The following IGLL5 variants were observed in gnomAD, a reference collection of about 807,000 sequenced individuals.
The protein encoded by IGLL5 is immunoglobulin lambda-like polypeptide 5.
A neutral mutation model predicts 20.9 loss-of-function variants in IGLL5; 30 were observed. The ratio of observed to expected loss-of-function variants is 1.44; its 90% CI spans 1.07 to 1.95. The LOEUF (loss-of-function observed/expected upper bound fraction) is 1.95, where lower values mean the gene tolerates loss of function less well. Ranked by LOEUF, IGLL5 falls within the 30% of genes most tolerant of loss-of-function variation. The pLI, the probability that IGLL5 is intolerant of heterozygous loss-of-function variation, is 0.00. For synonymous variants in IGLL5, 203 were observed against 117.3 expected (o/e 1.73, Z -4.72); for missense variants, 475 against 270.7 (o/e 1.75, Z -5.30).
At position 22,895,829 on chromosome 22, in the gene IGLL5, C is replaced by G; in HGVS notation, c.*135C>G. ...CCCAATAAATATCCTCATTGACAACCAGAAATCTTGTTTTATCTCATTTTT... is the reference window on the plus strand; with the variant it reads ...CCCAATAAATATCCTCATTGACAACGAGAAATCTTGTTTTATCTCATTTTT... On this transcript the variant is annotated 3_prime_UTR_variant, in exon 3 of 3. Transcript: ENST00000526893. 1 of 854,082 alleles carries G rather than the reference C, an allele frequency of 1.2e-6. No homozygotes were observed. Among genetic ancestry groups the G allele is most frequent in the Non-Finnish European group, 1.9e-6 (1 of 524,504 alleles). The allele number at this position is 854,082 out of a possible 1,614,324, so 52.9% of individuals were successfully genotyped here.
chr22:22,893,698 A>C lies in IGLL5; in HGVS notation c.207-2A>C, dbSNP rs768976124. ...CAACCCTGTGCCCGTCATGCCCAGC[A>C]GGCTCCTGCTCCAGCCCAGCCCCCA... On this transcript the variant is annotated splice_acceptor_variant, in intron 1 of 2. Coordinates refer to ENST00000526893, the MANE Select transcript of IGLL5 (RefSeq NM_001178126.2). LOFTEE classifies it high-confidence loss of function. 55 of 1,598,908 alleles carry C rather than the reference A, an allele frequency of 3.4e-5. No homozygotes were observed. The highest frequency in any genetic ancestry group is 4.7e-5 in the Non-Finnish European group (55 of 1,170,914).
chr22:22,889,061 T>C (rs114962750), intron 1 of IGLL5, among the ~76,000 whole-genome samples: 6 of 151,274 alleles, frequency 4.0e-5, no homozygotes, highest in Admixed American at 2.6e-4. Context: ...GGACGAGTCC[T>C]TGGATGGATT....
At chr22:22,894,702 G>A (rs2066685000) in intron 2 of IGLL5, among the ~76,000 whole-genome samples, 1 of 151,468 alleles carries the variant, frequency 6.6e-6, no homozygotes, top group Non-Finnish European at 1.5e-5. Context: ...GAGTCTCATA[G>A]TCTGTGGGAG....
chr22:22,894,221 G>T (rs1601624692), intron 2 of IGLL5, among the ~76,000 whole-genome samples: 1 of 151,396 alleles, frequency 6.6e-6, no homozygotes, highest in Non-Finnish European at 1.5e-5. Context: ...CATAGTCTAG[G>T]GGAGCAGCCC....
chr22:22,894,625 G>GGGGTGCAGAC, intron 2 of IGLL5, among the ~76,000 whole-genome samples: 1 of 150,880 alleles, frequency 6.6e-6, no homozygotes, highest in African/African-American at 2.4e-5. Context: ...GGGGTGCAGA[G>GGGGTGCAGAC]AACTCCATGG....
intron 1 of IGLL5, among the ~76,000 whole-genome samples, chr22:22,889,556 A>G (rs2067732902): frequency 6.6e-6 from 1 of 151,290 alleles, no homozygotes; most frequent in East Asian, 2.0e-4. Context: ...TCTACCAGAA[A>G]GGGTGTGAAA....
At chr22:22,892,210 T>C (rs1361712420) in intron 1 of IGLL5, among the ~76,000 whole-genome samples, 1 of 151,278 alleles carries the variant, frequency 6.6e-6, no homozygotes, top group Non-Finnish European at 1.5e-5. Context: ...TTTCTTTATA[T>C]GAGAAACAAG....
At chr22:22,888,869 C>G (rs1337902202) in intron 1 of IGLL5, among the ~76,000 whole-genome samples, 1 of 151,420 alleles carries the variant, frequency 6.6e-6, no homozygotes, top group Non-Finnish European at 1.5e-5. Flanking sequence ...GAGAGGGGAT[C>G]TCCCTCTGGG....
chr22:22,888,736 C>T (rs571073597), intron 1 of IGLL5, among the ~76,000 whole-genome samples: 4 of 151,360 alleles, frequency 2.6e-5, no homozygotes, highest in East Asian at 2.0e-4. Flanking sequence ...GCTGTCTGTT[C>T]ACCAACTTGC....
chr22:22,889,269 C>G (rs2067702294), intron 1 of IGLL5, among the ~76,000 whole-genome samples: 5 of 151,004 alleles, frequency 3.3e-5, no homozygotes, highest in African/African-American at 4.9e-5. Context: ...GCCCAGTTTC[C>G]TATGAAATGG....
intron 2 of IGLL5, among the ~76,000 whole-genome samples, chr22:22,894,070 T>C (rs2067976890): frequency 2.0e-5 from 3 of 151,332 alleles, no homozygotes; most frequent in Non-Finnish European, 2.9e-5. Context: ...GGGCTCCTCC[T>C]CTCTTCCAGG....
chr22:22,894,109 G>T (rs1246249164), intron 2 of IGLL5, among the ~76,000 whole-genome samples: 1 of 151,500 alleles, frequency 6.6e-6, no homozygotes, highest in Non-Finnish European at 1.5e-5. Flanking sequence ...GACAGAGGCT[G>T]GTTCTGATGA....
intron 1 of IGLL5, among the ~76,000 whole-genome samples, chr22:22,888,508 C>T (rs191281222): frequency 6.6e-6 from 1 of 151,394 alleles, no homozygotes; most frequent in African/African-American, 2.4e-5. Flanking sequence ...TAAATTTTCA[C>T]CAGGGTCAGT....
chr22:22,890,165 CAAAAA>C (rs112765694), intron 1 of IGLL5, among the ~76,000 whole-genome samples: 1 of 106,510 alleles, frequency 9.4e-6, no homozygotes, highest in Non-Finnish European at 2.1e-5. Flanking sequence ...TTTTTCTTGC[CAAAAA>C]AAAAAAAGAT....
rs752869637 is a variant in IGLL5 at position 22,888,273 on chromosome 22, G to T, written c.206+14G>T. 2.6e-6 allele frequency: 4 copies of T among 1,545,904 alleles called. No homozygotes were observed. The highest frequency in any genetic ancestry group is 2.5e-5 in the East Asian group (1 of 40,618). ...CCTGTGGGGCAGGTAAGGGGCAAGAGATTCCAGGGGATGTGGGGGTCCTGC... is the reference window on the plus strand; with the variant it reads ...CCTGTGGGGCAGGTAAGGGGCAAGATATTCCAGGGGATGTGGGGGTCCTGC... On this transcript the variant is annotated intron_variant, in intron 1 of 2. Transcript: ENST00000526893.
chr22:22,893,925 A>T lies in IGLL5; in HGVS notation c.325+107A>T, dbSNP rs186752102. Reference sequence around the variant, plus strand: ...CCCCTCTGTCCTCCCAGCCTTAAGCACTGACCCTTACCTTTCTCCATGGGG... The same window carrying T: ...CCCCTCTGTCCTCCCAGCCTTAAGCTCTGACCCTTACCTTTCTCCATGGGG... On this transcript the variant is annotated intron_variant, in intron 2 of 2. Coordinates refer to ENST00000526893, the MANE Select transcript of IGLL5 (RefSeq NM_001178126.2). 10 of 813,508 alleles carry T rather than the reference A, an allele frequency of 1.2e-5. 3 individuals are homozygous for T. The highest frequency in any genetic ancestry group is 4.5e-4 in the Middle Eastern group (2 of 4,442). 50.4% of individuals were successfully genotyped at this position (813,508 alleles called of 1,614,324 possible).
intron 1 of IGLL5, among the ~76,000 whole-genome samples, chr22:22,889,553 GA>G (rs2145997520): frequency 6.6e-6 from 1 of 151,260 alleles, no homozygotes; most frequent in Non-Finnish European, 1.5e-5. Context: ...ATATCTACCA[GA>G]AAGGGTGTGA....
chr22:22,888,854 A>T (rs139696703), intron 1 of IGLL5, among the ~76,000 whole-genome samples: 3 of 151,284 alleles, frequency 2.0e-5, no homozygotes, highest in Non-Finnish European at 2.9e-5. Context: ...TTGGAGCAAT[A>T]AAGGGAGAGG....
chr22:22,890,149 T>C (rs2067779273), intron 1 of IGLL5, among the ~76,000 whole-genome samples: 1 of 148,648 alleles, frequency 6.7e-6, no homozygotes, highest in East Asian at 2.1e-4. Flanking sequence ...TTTTGTACAT[T>C]ACTCTTTTTT....
Sources: gnomAD v4.1 joint callset for allele counts (sites outside exome capture counted in the v4.1 genomes callset) on GRCh38, gnomAD v4.1.1 for gene constraint, MANE v1.5 for transcripts, NCBI Gene and HGNC (gene_info 2026-07-23, HGNC 2026-07-21) for gene names.